NAALADL2: variants seen among roughly 807,000 people sequenced by gnomAD.
The protein encoded by NAALADL2 is N-acetylated alpha-linked acidic dipeptidase like 2, also known as inactive N-acetylated-alpha-linked acidic dipeptidase-like protein 2.
Under a neutral mutation model 87.2 loss-of-function variants are expected in NAALADL2, and 76 were observed. That is an observed-to-expected ratio of 0.87 (90% confidence interval 0.72 to 1.05). The LOEUF is 1.05. Ranked by LOEUF, NAALADL2 falls within the 50% of genes least tolerant of loss-of-function variation. NAALADL2 has a pLI of 0.00. For synonymous variants in NAALADL2, 354 were observed against 331.0 expected (o/e 1.07, Z -0.75); for missense variants, 1,089 against 945.8 (o/e 1.15, Z -1.99).
intron 5 of NAALADL2, among the ~76,000 whole-genome samples, chr3:175,412,225 A>T (rs746783753): frequency 6.6e-6 from 1 of 152,142 alleles, no homozygotes; most frequent in Admixed American, 6.5e-5. Context: ...CCCCCTTTTT[A>T]TGCTAAGGAT....
chr3:174,935,870 T>A (rs1021051897), intron 1 of NAALADL2, among the ~76,000 whole-genome samples: 2 of 152,164 alleles, frequency 1.3e-5, no homozygotes, highest in Non-Finnish European at 2.9e-5. Context: ...GAAAGTGTGA[T>A]AAGTCTAGCA....
chr3:174,464,346 C>A (rs988130177), intron 1 of NAALADL2, among the ~76,000 whole-genome samples: 4 of 148,412 alleles, frequency 2.7e-5, no homozygotes, highest in Non-Finnish European at 5.9e-5. Flanking sequence ...AAGTTTAACT[C>A]TGAAATGATC....
chr3:174,679,654 A>C (rs913518666), intron 2 of NAALADL2, among the ~76,000 whole-genome samples: 1 of 152,188 alleles, frequency 6.6e-6, no homozygotes, highest in Non-Finnish European at 1.5e-5. Context: ...CCACCCACTC[A>C]GCTGGAAGGC....
chr3:174,629,826 T>A (rs938947981), intron 2 of NAALADL2, among the ~76,000 whole-genome samples: 2 of 152,186 alleles, frequency 1.3e-5, no homozygotes, highest in South Asian at 4.1e-4. Flanking sequence ...ACAAAGCCAA[T>A]ATTCAGCTAA....
In NAALADL2 at chr3:175,420,581, G is replaced by A. The variant is rs138563831; in HGVS notation, c.1091-26648G>A. Among the ~76,000 whole-genome samples, 968 of 151,982 alleles carry A rather than the reference G, an allele frequency of 6.4e-3. 7 individuals carry two copies. The highest frequency in any genetic ancestry group is 0.021 in the African/African-American group (892 of 41,508). On this transcript the variant is annotated intron_variant, in intron 5 of 13. Coordinates refer to ENST00000454872, the MANE Select transcript of NAALADL2 (RefSeq NM_207015.3). ...TGTTAATAGCCCAGCATATAACAAA[G>A]CTAATAAACAAAAAATTTAAAAAGC...
chr3:175,119,699 A>ATATAGATATAGATATAGATATAGG (rs1209535269), intron 2 of NAALADL2, among the ~76,000 whole-genome samples: 3 of 148,044 alleles, frequency 2.0e-5, no homozygotes, highest in Non-Finnish European at 4.5e-5. Context: ...GTATATATAG[A>ATATAGATATAGATATAGATATAGG]TATAGATATA....
At chr3:175,008,377 T>C (rs2108793139) in intron 1 of NAALADL2, among the ~76,000 whole-genome samples, 1 of 152,258 alleles carries the variant, frequency 6.6e-6, no homozygotes, top group African/African-American at 2.4e-5. Flanking sequence ...TGAGACCTCG[T>C]TTCTAAAAAA....
intron 2 of NAALADL2, among the ~76,000 whole-genome samples, chr3:174,677,377 T>A (rs1251762348): frequency 2.0e-5 from 3 of 152,120 alleles, no homozygotes; most frequent in Admixed American, 6.6e-5. Context: ...ACAGCTGTAT[T>A]ATGTTTCATC....
At chr3:174,922,746 T>C (rs2108363116) in intron 1 of NAALADL2, among the ~76,000 whole-genome samples, 1 of 152,322 alleles carries the variant, frequency 6.6e-6, no homozygotes, top group East Asian at 1.9e-4. Flanking sequence ...TTTCTCACTA[T>C]TGAAATGAAA....
At chr3:174,524,375 G>A (rs1409662093) in intron 1 of NAALADL2, among the ~76,000 whole-genome samples, 3 of 152,178 alleles carry the variant, frequency 2.0e-5, no homozygotes, top group African/African-American at 7.2e-5. Flanking sequence ...GCGGGTGGAT[G>A]TTCAGCCTGT....
intron 4 of NAALADL2, among the ~76,000 whole-genome samples, chr3:175,271,703 A>T (rs1480546313): frequency 1.3e-5 from 2 of 152,196 alleles, no homozygotes; most frequent in Non-Finnish European, 2.9e-5. Context: ...GAGACAGGGC[A>T]ATCATTTGAA....
chr3:174,586,981 C>T (rs1716794476), intron 2 of NAALADL2, among the ~76,000 whole-genome samples: 1 of 129,478 alleles, frequency 7.7e-6, no homozygotes. Flanking sequence ...TATCCCTTGC[C>T]CCTCCCCCCA....
chr3:175,013,293 A>ATTTTT (rs1317049254), intron 1 of NAALADL2, among the ~76,000 whole-genome samples: 1 of 79,776 alleles, frequency 1.3e-5, no homozygotes, highest in Non-Finnish European at 2.1e-5. Context: ...ATATATATAT[A>ATTTTT]TATATATATT....
chr3:174,855,091 G>A (rs1013354293), upstream of NAALADL2, among the ~76,000 whole-genome samples: 7 of 151,912 alleles, frequency 4.6e-5, no homozygotes, highest in Non-Finnish European at 1.0e-4. Flanking sequence ...CGCCCGCCTT[G>A]GCCTCCCAAA....
intron 2 of NAALADL2, among the ~76,000 whole-genome samples, chr3:174,626,201 G>A (rs918132612): frequency 6.6e-6 from 1 of 150,672 alleles, no homozygotes; most frequent in Non-Finnish European, 1.5e-5. Context: ...ATGAGATTTC[G>A]GGTCAAAGGG....
intron 2 of NAALADL2, among the ~76,000 whole-genome samples, chr3:174,650,670 T>C (rs911164945): frequency 1.3e-5 from 2 of 152,096 alleles, no homozygotes; most frequent in South Asian, 4.1e-4. Flanking sequence ...TTATAGGAAA[T>C]GTGAGTAGAG....
At chr3:175,367,500 GT>G (rs1765792171) in intron 5 of NAALADL2, among the ~76,000 whole-genome samples, 1 of 152,122 alleles carries the variant, frequency 6.6e-6, no homozygotes, top group South Asian at 2.1e-4. Flanking sequence ...AGCATGGAAT[GT>G]TCTTCCATTT....
intron 3 of NAALADL2, among the ~76,000 whole-genome samples, chr3:174,770,723 C>T (rs1195409058): frequency 2.6e-5 from 4 of 151,794 alleles, no homozygotes; most frequent in Non-Finnish European, 4.4e-5. Context: ...ACCTGCAGTC[C>T]CAGCTACTCA....
chr3:175,035,806 C>G (rs979995927), intron 1 of NAALADL2, among the ~76,000 whole-genome samples: 2 of 152,092 alleles, frequency 1.3e-5, no homozygotes, highest in Non-Finnish European at 2.9e-5. Context: ...ATATCAGACT[C>G]ATTTGGGAAG....
Sources: allele counts gnomAD v4.1 joint callset (sites outside exome capture counted in the v4.1 genomes callset), GRCh38; gene constraint gnomAD v4.1.1; transcripts MANE v1.5; gene names NCBI Gene and HGNC (gene_info 2026-07-23, HGNC 2026-07-21).